The following EVI5 variants were observed in gnomAD, a reference collection of about 807,000 sequenced individuals.
EVI5 encodes ecotropic viral integration site 5.
Under a neutral mutation model 112.0 loss-of-function variants are expected in EVI5, and 73 were observed. That is an observed-to-expected ratio of 0.65 (90% CI 0.54 to 0.79). The LOEUF (loss-of-function observed/expected upper bound fraction) is 0.79, where lower values mean the gene tolerates loss of function less well. Ranked by LOEUF, EVI5 falls within the 30% of genes least tolerant of loss-of-function variation. The pLI, the probability that EVI5 is intolerant of heterozygous loss-of-function variation, is 0.00. For missense variants in EVI5, 900 were observed against 968.8 expected, an observed-to-expected ratio of 0.93 and a Z score of 0.94; for synonymous variants, 305 against 319.9, an observed-to-expected ratio of 0.95 and a Z score of 0.50.
At chr1:92,546,456 T>C (rs988661880) in intron 19 of EVI5, among the ~76,000 whole-genome samples, 7 of 152,148 alleles carry the variant, frequency 4.6e-5, no homozygotes, top group Non-Finnish European at 7.3e-5. Flanking sequence ...CCCAGCACTT[T>C]GGGAGACCGA....
chr1:92,695,228 A>G, intron 7 of EVI5, 82 bp downstream of exon 7: 1 of 1,171,960 alleles, frequency 8.5e-7, no homozygotes. Context: ...GCTTTCCTTC[A>G]TTGCTCTCCT....
At chr1:92,634,112 T>G (rs1658144289) in intron 14 of EVI5, among the ~76,000 whole-genome samples, 7 of 152,212 alleles carry the variant, frequency 4.6e-5, no homozygotes, top group Admixed American at 4.6e-4. Flanking sequence ...GCCCTTAACA[T>G]TTCTAAAACT....
At chr1:92,750,037 A>C (rs1679929641) in intron 1 of EVI5, among the ~76,000 whole-genome samples, 1 of 152,252 alleles carries the variant, frequency 6.6e-6, no homozygotes, top group Non-Finnish European at 1.5e-5. Context: ...CACTTCAACT[A>C]TTGGAATTAT....
At chr1:92,722,763 T>C (rs1455393386) in intron 2 of EVI5, among the ~76,000 whole-genome samples, 2 of 152,168 alleles carry the variant, frequency 1.3e-5, no homozygotes, top group Admixed American at 6.6e-5. Context: ...TTTAAAAGAC[T>C]ATCTCTTCCC....
chr1:92,772,637 T>G (rs1404770089), intron 1 of EVI5, among the ~76,000 whole-genome samples: 1 of 151,978 alleles, frequency 6.6e-6, no homozygotes, highest in African/African-American at 2.4e-5. Context: ...GTGCAGTAGC[T>G]CATGCCTGTA....
chr1:92,717,005 G>C (rs370799929), intron 2 of EVI5, among the ~76,000 whole-genome samples: 1 of 147,602 alleles, frequency 6.8e-6, no homozygotes, highest in South Asian at 2.2e-4. Flanking sequence ...GAGGATGTTC[G>C]AACCCATCAC....
intron 2 of EVI5, among the ~76,000 whole-genome samples, chr1:92,728,580 G>GT (rs1675977960): frequency 1.3e-5 from 2 of 152,108 alleles, no homozygotes. Context: ...TAGAGACAGG[G>GT]TTTCGCCATG....
At chr1:92,547,052 T>G (rs188175304) in intron 19 of EVI5, among the ~76,000 whole-genome samples, 263 of 152,316 alleles carry the variant, frequency 1.7e-3, no homozygotes, top group African/African-American at 6.0e-3. Context: ...TACATTCTTC[T>G]CAGCACCACT....
chr1:92,696,277 G>A (rs1424952150), intron 6 of EVI5, among the ~76,000 whole-genome samples: 1 of 151,772 alleles, frequency 6.6e-6, no homozygotes, highest in Non-Finnish European at 1.5e-5. Flanking sequence ...AGAGTTTAAG[G>A]CTGCTAAAAA....
intron 9 of EVI5, among the ~76,000 whole-genome samples, chr1:92,686,718 T>A (rs1668592556): frequency 6.6e-6 from 1 of 152,190 alleles, no homozygotes; most frequent in Admixed American, 6.5e-5. Context: ...AAAATCAATG[T>A]GCAAAAATCA....
intron 1 of EVI5, among the ~76,000 whole-genome samples, chr1:92,743,256 G>T (rs1678708470): frequency 6.6e-6 from 1 of 152,132 alleles, no homozygotes; most frequent in South Asian, 2.1e-4. Flanking sequence ...GGGAGGTTGA[G>T]GCAAGAGAAT....
intron 13 of EVI5, among the ~76,000 whole-genome samples, chr1:92,651,655 T>A (rs925850416): frequency 1.4e-5 from 2 of 146,620 alleles, no homozygotes; most frequent in Admixed American, 6.9e-5. Flanking sequence ...ATCGAGACCA[T>A]CCCGGCTAAA....
In EVI5 at chr1:92,583,719, T is replaced by TTC. The variant is rs143010245; in HGVS notation, c.2071-19984_2071-19983dup. 1.8e-3 allele frequency among the ~76,000 whole-genome samples: 266 copies of TTC among 150,410 alleles called. 1 individual carries two copies. Among genetic ancestry groups the TTC allele is most frequent in the Middle Eastern group, 0.01 (3 of 292 alleles). ...ATAAGCTACTGGAAGTACCAATGCC[T>TTC]TCTCTCTCTCTCTCTTTTTTTTTTT... On this transcript the variant is annotated intron_variant, in intron 18 of 19. Transcript: ENST00000684568.
intron 13 of EVI5, chr1:92,646,999 A>T (rs1661087727): frequency 4.6e-6 from 1 of 215,454 alleles, no homozygotes; most frequent in African/African-American, 2.3e-5. Context: ...GCCCTCCCCT[A>T]CTCTAAGGTA....
chr1:92,528,196 C>T (rs1403743304), intron 19 of EVI5, among the ~76,000 whole-genome samples: 2 of 152,158 alleles, frequency 1.3e-5, no homozygotes, highest in East Asian at 1.9e-4. Flanking sequence ...TATCCAATCA[C>T]GTTAGTGAAG....
rs143453353 is a variant in EVI5, at chr1:92,536,359, A to G, written c.2167-22389T>C. 7.5e-3 allele frequency among the ~76,000 whole-genome samples: 1,135 copies of G among 152,314 alleles called. 14 individuals carry two copies. Among genetic ancestry groups the G allele is most frequent in the African/African-American group, 0.026 (1,079 of 41,584 alleles). ...TAAAGCATAAAAATGCAGTATAGTT[A>G]ATAAGAAAACAGGAAACTGTCATGT... On this transcript the variant is annotated intron_variant, in intron 19 of 19. Transcript: ENST00000684568.
At position 92,663,380 on chromosome 1, in the gene EVI5, G is replaced by A. The variant is rs41286813; in HGVS notation, c.1245+40C>T. ...TTTAGGACTTTCCTTAGAAGTTAGAGAAGATGTTTTAAAAAACTAAAACAA... is the reference window on the plus strand; with the variant it reads ...TTTAGGACTTTCCTTAGAAGTTAGAAAAGATGTTTTAAAAAACTAAAACAA... On this transcript the variant is annotated intron_variant, in intron 12 of 19. Coordinates refer to ENST00000684568, the MANE Select transcript of EVI5 (RefSeq NM_001350197.2). The A allele has an allele frequency of 0.029, 30,279 of 1,047,736 alleles. 2,835 individuals are homozygous for A. In the African/African-American group the frequency reaches 0.29, roughly 10 times the overall value. 64.9% of individuals were successfully genotyped at this position (1,047,736 alleles called of 1,614,324 possible).
chr1:92,517,088 A>G (rs559606469), intron 19 of EVI5, among the ~76,000 whole-genome samples: 1 of 152,286 alleles, frequency 6.6e-6, no homozygotes, highest in African/African-American at 2.4e-5. Context: ...GCATTCAGGA[A>G]ATTTTGAAAT....
intron 1 of EVI5, among the ~76,000 whole-genome samples, chr1:92,759,598 C>A (rs1056345223): frequency 6.6e-6 from 1 of 152,190 alleles, no homozygotes; most frequent in Non-Finnish European, 1.5e-5. Flanking sequence ...TCATCCCCAA[C>A]AGAAATACTA....
Sources: gnomAD v4.1 joint callset for allele counts (sites outside exome capture counted in the v4.1 genomes callset) on GRCh38, gnomAD v4.1.1 for gene constraint, MANE v1.5 for transcripts, NCBI Gene and HGNC (gene_info 2026-07-23, HGNC 2026-07-21) for gene names.